The following NXPE2 variants were observed in gnomAD, a reference collection of about 807,000 sequenced individuals.
NXPE2 encodes NXPE family member 2.
A neutral mutation model predicts 34.4 loss-of-function variants in NXPE2; 34 were observed. The observed-to-expected ratio is 0.99, with a 90% CI of 0.75 to 1.31. The LOEUF is 1.31. Among genes scored for constraint, NXPE2 ranks in the 40% most tolerant of loss-of-function variants. NXPE2 has a pLI of 0.00. For synonymous variants in NXPE2, 235 were observed against 231.3 expected, an observed-to-expected ratio of 1.02 and a Z score of -0.15; for missense variants, 649 against 672.5, an observed-to-expected ratio of 0.97 and a Z score of 0.39.
chr11:114,660,626 G>C, the NXPE2 span, among the ~76,000 whole-genome samples: 1 of 151,894 alleles, frequency 6.6e-6, no homozygotes, highest in East Asian at 1.9e-4. Flanking sequence ...CTCGATAAAG[G>C]CATTTAGGAA....
chr11:114,551,299 C>T, the NXPE2 span: 1 of 1,353,500 alleles, frequency 7.4e-7, no homozygotes, highest in East Asian at 2.6e-5. Flanking sequence ...TAATTTGCCT[C>T]CAACATTTTG....
chr11:114,678,418 A>G (rs781559945), upstream of NXPE2: 19 of 583,250 alleles, frequency 3.3e-5, no homozygotes, highest in Non-Finnish European at 5.2e-5. Context: ...ATAATAAGGG[A>G]GGTTTATGAT....
the NXPE2 span, among the ~76,000 whole-genome samples, chr11:114,614,530 C>T: frequency 6.6e-6 from 1 of 151,476 alleles, no homozygotes; most frequent in Non-Finnish European, 1.5e-5. Context: ...CATGGGGAAC[C>T]AGTGTTACCC....
At chr11:114,590,022 A>G in the NXPE2 span, among the ~76,000 whole-genome samples, 2 of 152,218 alleles carry the variant, frequency 1.3e-5, no homozygotes, top group East Asian at 1.9e-4. Flanking sequence ...CTGACTCTCA[A>G]TACCTGTTTG....
chr11:114,693,936 A>G (rs1951200236), intron 2 of NXPE2, among the ~76,000 whole-genome samples: 1 of 152,252 alleles, frequency 6.6e-6, no homozygotes, highest in African/African-American at 2.4e-5. Context: ...TCAGAATTAC[A>G]AAATGGATCT....
chr11:114,701,590 G>T (rs1951366047), intron 3 of NXPE2, among the ~76,000 whole-genome samples: 1 of 152,156 alleles, frequency 6.6e-6, no homozygotes, highest in African/African-American at 2.4e-5. Flanking sequence ...AGGTGATGTA[G>T]TGCATGTGCA....
At chr11:114,743,190 G>T in the NXPE2 span, among the ~76,000 whole-genome samples, 43 of 122,290 alleles carry the variant, frequency 3.5e-4, no homozygotes, top group Non-Finnish European at 6.2e-4. Context: ...AGAATGAAAA[G>T]ATTCAACATT....
At chr11:114,688,626 C>A (rs150059266) in intron 2 of NXPE2, among the ~76,000 whole-genome samples, 6 of 152,146 alleles carry the variant, frequency 3.9e-5, no homozygotes, top group Non-Finnish European at 7.4e-5. Flanking sequence ...AGAGTTCTTT[C>A]TCCTTGATTT....
chr11:114,726,674 G>C, the NXPE2 span, among the ~76,000 whole-genome samples: 1 of 151,834 alleles, frequency 6.6e-6, no homozygotes, highest in Non-Finnish European at 1.5e-5. Context: ...ATTTCCCCTT[G>C]TATTTTTCTA....
the NXPE2 span, among the ~76,000 whole-genome samples, chr11:114,642,040 A>C: frequency 5.3e-5 from 8 of 152,056 alleles, no homozygotes; most frequent in Non-Finnish European, 1.2e-4. Context: ...CTGCATAGTT[A>C]TTTCTTTCCA....
chr11:114,753,375 A>G, the NXPE2 span, among the ~76,000 whole-genome samples: 1 of 150,316 alleles, frequency 6.7e-6, no homozygotes, highest in African/African-American at 2.4e-5. Context: ...CCTCGGCGAC[A>G]GAGCAAGACC....
At chr11:114,592,069 C>G in the NXPE2 span, among the ~76,000 whole-genome samples, 1 of 152,170 alleles carries the variant, frequency 6.6e-6, no homozygotes, top group East Asian at 1.9e-4. Context: ...CAGCTAACAT[C>G]ACATTCAATG....
the NXPE2 span, chr11:114,581,770 C>T: frequency 6.2e-7 from 1 of 1,610,280 alleles, no homozygotes; most frequent in Non-Finnish European, 8.5e-7. Flanking sequence ...TCCATAATCT[C>T]TACACCCACA....
At chr11:114,543,162 C>T in the NXPE2 span, among the ~76,000 whole-genome samples, 1 of 151,824 alleles carries the variant, frequency 6.6e-6, no homozygotes, top group Non-Finnish European at 1.5e-5. Flanking sequence ...TTGAGGCCAG[C>T]CTGGCCAACA....
the NXPE2 span, among the ~76,000 whole-genome samples, chr11:114,536,528 C>A: frequency 2.6e-5 from 4 of 152,060 alleles, no homozygotes; most frequent in African/African-American, 9.7e-5. Flanking sequence ...AATTGATAGA[C>A]CGCTAGCAAG....
chr11:114,602,800 T>G, the NXPE2 span, among the ~76,000 whole-genome samples: 1 of 141,196 alleles, frequency 7.1e-6, no homozygotes, highest in African/African-American at 2.6e-5. Flanking sequence ...AATTATCTCA[T>G]ATAATTACAG....
chr11:114,798,469 T>C, the NXPE2 span, among the ~76,000 whole-genome samples: 6 of 152,110 alleles, frequency 3.9e-5, no homozygotes, highest in South Asian at 2.1e-4. Context: ...CTGCAATCTC[T>C]GCCTCTAGGG....
chr11:114,743,944 T>C, the NXPE2 span, among the ~76,000 whole-genome samples: 1 of 151,632 alleles, frequency 6.6e-6, no homozygotes, highest in Admixed American at 6.6e-5. Context: ...TGTATATTTA[T>C]ATATGCATAT....
At chr11:114,590,609 G>C in the NXPE2 span, among the ~76,000 whole-genome samples, 1 of 152,290 alleles carries the variant, frequency 6.6e-6, no homozygotes, top group East Asian at 1.9e-4. Context: ...CAGCCCCTCT[G>C]TAGGGAGGGC....
Sources: gnomAD v4.1 joint callset for allele counts (sites outside exome capture counted in the v4.1 genomes callset) on GRCh38, gnomAD v4.1.1 for gene constraint, MANE v1.5 for transcripts, NCBI Gene and HGNC (gene_info 2026-07-23, HGNC 2026-07-21) for gene names.